The following ARHGAP29 variants were observed in gnomAD, a reference collection of about 807,000 sequenced individuals.
The protein encoded by ARHGAP29 is rho GTPase-activating protein 29.
A neutral mutation model predicts 122.6 loss-of-function variants in ARHGAP29; 43 were observed. That is an observed-to-expected ratio of 0.35 (90% CI 0.27 to 0.45). The LOEUF (loss-of-function observed/expected upper bound fraction) is 0.45. Ranked by LOEUF, ARHGAP29 falls within the 20% of genes least tolerant of loss-of-function variation. The pLI, the probability that ARHGAP29 is intolerant of heterozygous loss-of-function variation, is 1.00. For synonymous variants in ARHGAP29, 506 were observed against 497.1 expected (o/e 1.02, Z -0.24); for missense variants, 1,303 against 1,477.2 (o/e 0.88, Z 1.93).
intron 3 of ARHGAP29, 54 bp downstream of exon 3, chr1:94,220,204 A>G (rs1652207838): frequency 6.2e-7 from 1 of 1,603,710 alleles, no homozygotes; most frequent in African/African-American, 1.3e-5. Flanking sequence ...ACCAAAATAT[A>G]TCACTTGGCT....
the ARHGAP29 span, among the ~76,000 whole-genome samples, chr1:94,282,187 A>T: frequency 4.0e-3 from 526 of 132,622 alleles, no homozygotes; most frequent in Non-Finnish European, 5.6e-3. Flanking sequence ...TGTCTTTTTT[A>T]AAAAAAAAGT....
chr1:94,184,082 C>T, intron 19 of ARHGAP29, 69 bp downstream of exon 19: 15 of 1,524,246 alleles, frequency 9.8e-6, no homozygotes, highest in Non-Finnish European at 1.3e-5. Context: ...CAAATGTTAT[C>T]AGCAAAATAC....
chr1:94,241,703 A>G (rs536848325), upstream of ARHGAP29, among the ~76,000 whole-genome samples: 16 of 31,408 alleles, frequency 5.1e-4, no homozygotes, highest in Admixed American at 9.0e-3. Flanking sequence ...ATGTAATTAT[A>G]TATGATATAT....
chr1:94,189,490 A>C, intron 13 of ARHGAP29, 138 bp from the exon 14 acceptor site: 1 of 1,051,872 alleles, frequency 9.5e-7, no homozygotes. Context: ...AACAAACCAC[A>C]CTCATGGTTC....
At chr1:94,214,918 C>T (rs935814899) in intron 3 of ARHGAP29, among the ~76,000 whole-genome samples, 2 of 151,984 alleles carry the variant, frequency 1.3e-5, no homozygotes, top group Admixed American at 1.3e-4. Context: ...AGCTATATAA[C>T]ACCTATAAAA....
At chr1:94,297,383 C>G in the ARHGAP29 span, among the ~76,000 whole-genome samples, 2 of 152,192 alleles carry the variant, frequency 1.3e-5, no homozygotes, top group Non-Finnish European at 2.9e-5. Context: ...AAGCAGCATT[C>G]TAGTGATGCT....
chr1:94,228,661 G>A (rs1385018088), intron 2 of ARHGAP29, among the ~76,000 whole-genome samples: 1 of 151,718 alleles, frequency 6.6e-6, no homozygotes, highest in East Asian at 1.9e-4. Context: ...AGGGGCCTGG[G>A]TGATTAAACT....
chr1:94,256,952 G>C (rs187543917), intron 1 of ARHGAP29, among the ~76,000 whole-genome samples: 1 of 151,980 alleles, frequency 6.6e-6, no homozygotes, highest in Non-Finnish European at 1.5e-5. Context: ...GCTCCTATAG[G>C]TATATACTTT....
rs191827438 is a variant in ARHGAP29, at chr1:94,260,939, T to C, written c.-33+14073A>G. Among the ~76,000 whole-genome samples the C allele has an allele frequency of 2.2e-3, 332 of 152,316 alleles. 1 individual carries two copies. The highest frequency in any genetic ancestry group is 0.01 in the South Asian group (50 of 4,830). On this transcript the variant is annotated intron_variant and NMD_transcript_variant, in intron 1 of 25. Transcript: ENST00000552844. Reference sequence around the variant, plus strand: ...TCTGTGAGGCATAGCTGTGCAGCTGTTGAGTGTTTCCTGACTTCCTTACAA... The same window carrying C: ...TCTGTGAGGCATAGCTGTGCAGCTGCTGAGTGTTTCCTGACTTCCTTACAA...
At chr1:94,264,923 CT>C (rs1404242895) in intron 1 of ARHGAP29, among the ~76,000 whole-genome samples, 1 of 152,226 alleles carries the variant, frequency 6.6e-6, no homozygotes, top group Non-Finnish European at 1.5e-5. Context: ...AGCTTTGCCC[CT>C]GACTCTGGTG....
At chr1:94,195,294 T>C in intron 12 of ARHGAP29, 1 of 152,210 alleles carries the variant, frequency 6.6e-6, no homozygotes, top group East Asian at 1.9e-4. Context: ...CAACCCAATA[T>C]TCAATTGACA....
chr1:94,203,731 T>G (rs1651010619), intron 8 of ARHGAP29, among the ~76,000 whole-genome samples, 199 bp downstream of exon 8: 2 of 151,982 alleles, frequency 1.3e-5, no homozygotes, highest in Admixed American at 6.6e-5. Flanking sequence ...TGAGACCCTG[T>G]CTTAAGACGA....
intron 1 of ARHGAP29, among the ~76,000 whole-genome samples, chr1:94,262,691 C>T (rs1654611581): frequency 1.3e-5 from 2 of 152,036 alleles, no homozygotes; most frequent in South Asian, 4.1e-4. Flanking sequence ...AAATCAAAAC[C>T]ACAATGAGAT....
At chr1:94,222,948 A>ATTT (rs11370745) in intron 2 of ARHGAP29, among the ~76,000 whole-genome samples, 13 of 148,496 alleles carry the variant, frequency 8.8e-5, no homozygotes, top group East Asian at 3.9e-4. Context: ...CATAAACATA[A>ATTT]TTTTTTTTTT....
At position 94,173,955 on chromosome 1, in the gene ARHGAP29, C is replaced by A. The variant is rs1159924960; in HGVS notation, c.3700G>T (p.Asp1234Tyr). Residue 1234 changes from aspartate (D) to tyrosine (Y), a missense_variant, in exon 23 of 23, where the codon GAT becomes TAT. This residue lies in a region of ARHGAP29 where 620 missense variants were observed against 651.2 expected (regional missense o/e 0.95). Transcript: ENST00000260526. The part of the protein sequence containing the change: ...KEDSEELGLP[D>Y]VNPMCQRPRL... Reference sequence around the variant, plus strand: ...GGTCTCTGACACATTGGATTCACATCAGGCAAGCCAAGCTCCTCAGAGTCT... The same window carrying A: ...GGTCTCTGACACATTGGATTCACATAAGGCAAGCCAAGCTCCTCAGAGTCT... 6.2e-7 allele frequency: 1 copy of A among 1,614,242 alleles called. No homozygotes were observed. The highest frequency in any genetic ancestry group is 2.2e-5 in the East Asian group (1 of 44,884).
At chr1:94,305,139 T>A in the ARHGAP29 span, among the ~76,000 whole-genome samples, 2 of 152,234 alleles carry the variant, frequency 1.3e-5, no homozygotes, top group Non-Finnish European at 2.9e-5. Context: ...TATAAGCCCC[T>A]AAACCTTTCT....
chr1:94,273,641 G>A lies in ARHGAP29; in HGVS notation c.-33+1371C>T, dbSNP rs562925770. ...GTATAAGAAGTCAAGTCCTACTTCC[G>A]TCTATTATGACTGAAGCTTGTGCAA... On this transcript the variant is annotated intron_variant and NMD_transcript_variant, in intron 1 of 25. Coordinates refer to the ARHGAP29 transcript ENST00000552844. Among the ~76,000 whole-genome samples, 95 of 152,274 alleles carry A rather than the reference G, an allele frequency of 6.2e-4. 1 individual carries two copies. The highest frequency in any genetic ancestry group is 2.2e-3 in the African/African-American group (91 of 41,536).
At chr1:94,217,900 C>A (rs539115270) in intron 3 of ARHGAP29, among the ~76,000 whole-genome samples, 4 of 152,104 alleles carry the variant, frequency 2.6e-5, no homozygotes, top group Admixed American at 2.6e-4. Context: ...TATAAAGGAT[C>A]TCCATACTCC....
At chr1:94,277,873 G>A (rs543530645), upstream of ARHGAP29, among the ~76,000 whole-genome samples, 2 of 152,306 alleles carry the variant, frequency 1.3e-5, no homozygotes, top group African/African-American at 4.8e-5. Context: ...TCCATCAATT[G>A]CTGATGGGTT....
Sources: allele counts gnomAD v4.1 joint callset (sites outside exome capture counted in the v4.1 genomes callset), GRCh38; gene constraint gnomAD v4.1.1; regional missense constraint gnomAD v4.1.1; transcripts MANE v1.5; gene names NCBI Gene and HGNC (gene_info 2026-07-23, HGNC 2026-07-21).